The following ADAMTS6 variants were observed in gnomAD, a reference collection of about 807,000 sequenced individuals.
ADAMTS6 encodes the protein A disintegrin and metalloproteinase with thrombospondin motifs 6.
ADAMTS6 carries 23 observed loss-of-function variants against 144.3 expected under a neutral mutation model. That is an observed-to-expected ratio of 0.16 (90% CI 0.11 to 0.23). ADAMTS6 has a LOEUF of 0.23. ADAMTS6 is among the 10% of genes least tolerant of loss of function. The pLI is 1.00. For missense variants in ADAMTS6, 999 were observed against 1,379.6 expected, an observed-to-expected ratio of 0.72 and a Z score of 4.37; for synonymous variants, 444 against 457.5, an observed-to-expected ratio of 0.97 and a Z score of 0.38.
In ADAMTS6 at chr5:65,291,860, T is replaced by C. The variant is rs114602900; in HGVS notation, c.1371-390A>G. ...ATGCAGAAAATTAAAAAAAAAATAA[T>C]TATGGTTATAATCCTTAAAGACCTA... On this transcript the variant is annotated intron_variant, in intron 10 of 24. Transcript: ENST00000381055. Among the ~76,000 whole-genome samples the C allele has an allele frequency of 9.3e-3, 1,415 of 152,206 alleles. 26 individuals are homozygous for C. Among genetic ancestry groups the C allele is most frequent in the African/African-American group, 0.032 (1,323 of 41,528 alleles).
chr5:65,251,579 T>C (rs1214468353), intron 14 of ADAMTS6: 3 of 152,242 alleles, frequency 2.0e-5, no homozygotes, highest in Non-Finnish European at 4.4e-5. Context: ...CTGGAGACCA[T>C]AATGTGTATA....
intron 22 of ADAMTS6, among the ~76,000 whole-genome samples, chr5:65,179,021 C>T (rs573431333): frequency 6.9e-6 from 1 of 145,222 alleles, no homozygotes; most frequent in African/African-American, 2.4e-5. Flanking sequence ...CTAACGCCTA[C>T]AAAGTGACTC....
At chr5:65,199,104 AT>A (rs200432376) in intron 20 of ADAMTS6, among the ~76,000 whole-genome samples, 7 of 151,222 alleles carry the variant, frequency 4.6e-5, no homozygotes, top group African/African-American at 7.3e-5. Flanking sequence ...ACAGCAGGGG[AT>A]TTTTTTTTAT....
At chr5:65,259,590 A>G (rs1023805137) in intron 14 of ADAMTS6, among the ~76,000 whole-genome samples, 3 of 152,218 alleles carry the variant, frequency 2.0e-5, no homozygotes, top group East Asian at 1.9e-4. Flanking sequence ...ATTTCCATAG[A>G]ATGATCAAGG....
At chr5:65,464,405 T>C (rs965150659) in intron 3 of ADAMTS6, among the ~76,000 whole-genome samples, 2 of 152,192 alleles carry the variant, frequency 1.3e-5, no homozygotes, top group Non-Finnish European at 2.9e-5. Context: ...TGAATAAAAA[T>C]ATTTTTAAAA....
At chr5:65,170,873 T>C (rs1467402145) in intron 23 of ADAMTS6, 100 bp from the exon 24 acceptor site, 6 of 1,316,812 alleles carry the variant, frequency 4.6e-6, no homozygotes, top group Non-Finnish European at 6.1e-6. Context: ...ATATGAACTT[T>C]TTTTTTTTTC....
intron 20 of ADAMTS6, among the ~76,000 whole-genome samples, chr5:65,205,659 C>T (rs1382920961): frequency 1.3e-5 from 2 of 152,026 alleles, no homozygotes; most frequent in Non-Finnish European, 2.9e-5. Flanking sequence ...TTTAAAGGGG[C>T]CAAGGCATGA....
At position 65,437,556 on chromosome 5, in the gene ADAMTS6, T is replaced by C. The variant is rs558248088; in HGVS notation, c.1073+13919A>G. Among the ~76,000 whole-genome samples, 10 of 152,186 alleles carry C rather than the reference T, an allele frequency of 6.6e-5. No homozygotes were observed. In the East Asian group the frequency reaches 1.7e-3, roughly 26 times the overall value. On this transcript the variant is annotated intron_variant, in intron 7 of 24. Transcript: ENST00000381055. ...GTTACAATTCAAGATGAGGTTTGGGTGGGGACACAGCCAAACCATATCACA... is the reference window on the plus strand; with the variant it reads ...GTTACAATTCAAGATGAGGTTTGGGCGGGGACACAGCCAAACCATATCACA...
chr5:65,459,948 G>T (rs914625429), intron 4 of ADAMTS6, among the ~76,000 whole-genome samples: 1 of 151,998 alleles, frequency 6.6e-6, no homozygotes, highest in Non-Finnish European at 1.5e-5. Flanking sequence ...ACCAAAAAAA[G>T]AAAATGAATT....
intron 7 of ADAMTS6, among the ~76,000 whole-genome samples, chr5:65,417,365 G>T (rs565271736): frequency 6.6e-6 from 1 of 152,260 alleles, no homozygotes; most frequent in African/African-American, 2.4e-5. Flanking sequence ...CATAGTATTG[G>T]AAGAGCTAGC....
At chr5:65,176,665 A>C (rs1410252837) in intron 22 of ADAMTS6, among the ~76,000 whole-genome samples, 1 of 152,226 alleles carries the variant, frequency 6.6e-6, no homozygotes, top group Non-Finnish European at 1.5e-5. Flanking sequence ...AGAGTCTATA[A>C]AAATCTTACC....
Position 65,398,781 on chromosome 5 carries a change from CAAGAAAGAAAGAAAGAAAGAAAGAAAGA to C in ADAMTS6, c.1073+52666_1073+52693del, listed in dbSNP as rs199684759. ...AGAGAGAGAGAGAAAGAAGAGAGAG[CAAGAAAGAAAGAAAGAAAGAAAGAAAGA>C]AAGAAAGAAAGAAAGAAAGAAAGAA... is the stretch of plus-strand genomic sequence containing the variant. On this transcript the variant is annotated intron_variant, in intron 7 of 24. Coordinates refer to ENST00000381055, the MANE Select transcript of ADAMTS6 (RefSeq NM_197941.4). Among the ~76,000 whole-genome samples, 176 of 106,984 alleles carry C rather than the reference CAAGAAAGAAAGAAAGAAAGAAAGAAAGA, an allele frequency of 1.6e-3. 4 individuals carry two copies. Among genetic ancestry groups the C allele is most frequent in the Admixed American group, 0.013 (125 of 9,976 alleles). The allele number at this position is 106,984 out of a possible 152,430, so 70.2% of individuals were successfully genotyped here.
At chr5:65,191,764 T>C (rs1296439795) in intron 21 of ADAMTS6, among the ~76,000 whole-genome samples, 1 of 152,146 alleles carries the variant, frequency 6.6e-6, no homozygotes, top group East Asian at 1.9e-4. Context: ...GAACACTGTA[T>C]GCCCTAAACA....
intron 7 of ADAMTS6, among the ~76,000 whole-genome samples, chr5:65,393,865 T>C (rs999329678): frequency 1.3e-5 from 2 of 152,218 alleles, no homozygotes; most frequent in Non-Finnish European, 2.9e-5. Flanking sequence ...TTCTGTTACT[T>C]TTAGTTAGCT....
At chr5:65,273,207 A>G (rs1762191447) in intron 12 of ADAMTS6, 133 bp downstream of exon 12, 10 of 746,032 alleles carry the variant, frequency 1.3e-5, no homozygotes, top group South Asian at 6.0e-5. Context: ...CAATTAACCT[A>G]TTGTTCTAGG....
At chr5:65,210,758 A>G in intron 20 of ADAMTS6, 1 of 631,936 alleles carries the variant, frequency 1.6e-6, no homozygotes, top group Non-Finnish European at 3.0e-6. Flanking sequence ...TACTTAATGG[A>G]GGAAGATGAA....
At chr5:65,410,646 T>C (rs752056218) in intron 7 of ADAMTS6, among the ~76,000 whole-genome samples, 1 of 152,162 alleles carries the variant, frequency 6.6e-6, no homozygotes, top group Non-Finnish European at 1.5e-5. Flanking sequence ...TTCCTCCAAA[T>C]TGAAATTTTG....
chr5:65,349,397 T>G (rs537258796), intron 7 of ADAMTS6, among the ~76,000 whole-genome samples: 55 of 152,176 alleles, frequency 3.6e-4, no homozygotes, highest in African/African-American at 9.9e-4. Flanking sequence ...CACTTTAAAA[T>G]TTTTAAATAT....
At position 65,151,717 on chromosome 5, in the gene ADAMTS6, A is replaced by C; in HGVS notation, c.*119T>G. 2.4e-6 allele frequency: 2 copies of C among 822,740 alleles called. No individual in the cohort carries two copies. Among genetic ancestry groups the C allele is most frequent in the South Asian group, 3.8e-5 (2 of 53,168 alleles). 51.0% of individuals were successfully genotyped at this position (822,740 alleles called of 1,614,324 possible). ...TGTCAGCTAGGGCTGACCAGTGGTTACGTTTTCCACAGGGTAATGCATTTG... is the reference window on the plus strand; with the variant it reads ...TGTCAGCTAGGGCTGACCAGTGGTTCCGTTTTCCACAGGGTAATGCATTTG... On this transcript the variant is annotated 3_prime_UTR_variant, in exon 25 of 25. Transcript: ENST00000381055.
Sources: gnomAD v4.1 joint callset for allele counts (sites outside exome capture counted in the v4.1 genomes callset) on GRCh38, gnomAD v4.1.1 for gene constraint, MANE v1.5 for transcripts, NCBI Gene and HGNC (gene_info 2026-07-23, HGNC 2026-07-21) for gene names.